ACACA: variants seen among roughly 807,000 people sequenced by gnomAD.
ACACA encodes acetyl-CoA carboxylase alpha.
ACACA carries 103 observed loss-of-function variants against 296.1 expected under a neutral mutation model. The observed-to-expected ratio is 0.35, with a 90% CI of 0.30 to 0.41. The LOEUF (loss-of-function observed/expected upper bound fraction) is 0.41, where lower values mean the gene tolerates loss of function less well. ACACA is among the 10% of genes least tolerant of loss of function. The pLI is 1.00. For missense variants in ACACA, 1,554 were observed against 2,989.7 expected (o/e 0.52, Z 11.20); for synonymous variants, 953 against 1,038.6 (o/e 0.92, Z 1.58).
In ACACA at chr17:37,257,872, A is replaced by G. The variant is rs774405561; in HGVS notation, c.1663-6T>C. 572 of 1,613,836 alleles carry G rather than the reference A, an allele frequency of 3.5e-4. No individual in the cohort carries two copies. Among genetic ancestry groups the G allele is most frequent in the Non-Finnish European group, 4.5e-4 (531 of 1,179,844 alleles). On this transcript the variant is annotated splice_polypyrimidine_tract_variant and splice_region_variant and intron_variant, in intron 13 of 55. Coordinates refer to ENST00000616317, the MANE Select transcript of ACACA (RefSeq NM_198834.3). ...CCTGAGCTGGGCTTAAAACCCTGTT[A>G]GAGAATAAAGAATGAGAGACCATAT...
chr17:37,385,110 C>T (rs2050467772), intron 1 of ACACA, among the ~76,000 whole-genome samples: 1 of 152,128 alleles, frequency 6.6e-6, no homozygotes, highest in African/African-American at 2.4e-5. Flanking sequence ...GGCCTCCTAA[C>T]AGGTTACCCT....
At chr17:37,323,576 C>CAA (rs1326604392) in intron 3 of ACACA, among the ~76,000 whole-genome samples, 2 of 152,108 alleles carry the variant, frequency 1.3e-5, no homozygotes, top group Non-Finnish European at 2.9e-5. Flanking sequence ...GCCTGGGTGA[C>CAA]AGAGTGAGAC....
intron 3 of ACACA, among the ~76,000 whole-genome samples, chr17:37,315,372 G>A (rs1051115497): frequency 2.6e-5 from 4 of 152,158 alleles, no homozygotes; most frequent in East Asian, 1.9e-4. Context: ...CTTTGACACC[G>A]AATGTACAGG....
chr17:37,276,931 G>A, intron 7 of ACACA, 102 bp downstream of exon 7: 3 of 964,852 alleles, frequency 3.1e-6, no homozygotes, highest in South Asian at 1.3e-5. Context: ...AAGAGAGAGA[G>A]AGCCCAGCAC....
In ACACA at chr17:37,229,465, G is replaced by A. The variant is rs573605344; in HGVS notation, c.3247-3013C>T. 2.9e-3 allele frequency among the ~76,000 whole-genome samples: 433 copies of A among 151,508 alleles called. 1 individual carries two copies. The highest frequency in any genetic ancestry group is 4.6e-3 in the Non-Finnish European group (311 of 67,892). ...ACTACAGGCGCCCGCCACCATGCCCGGCTAATTTTTTGTATTTTTAGTAGA... is the reference window on the plus strand; with the variant it reads ...ACTACAGGCGCCCGCCACCATGCCCAGCTAATTTTTTGTATTTTTAGTAGA... On this transcript the variant is annotated intron_variant, in intron 25 of 55. Coordinates refer to ENST00000616317, the MANE Select transcript of ACACA (RefSeq NM_198834.3).
chr17:37,297,667 T>C (rs1365848240), intron 3 of ACACA, among the ~76,000 whole-genome samples: 3 of 151,690 alleles, frequency 2.0e-5, no homozygotes, highest in Admixed American at 6.6e-5. Context: ...TCTCCTGCCT[T>C]GGCCTCCCAA....
chr17:37,396,084 A>G (rs1294813012), intron 1 of ACACA, among the ~76,000 whole-genome samples: 1 of 152,180 alleles, frequency 6.6e-6, no homozygotes, highest in Non-Finnish European at 1.5e-5. Context: ...TCACGCCTGT[A>G]ATCCCAGCAC....
intron 1 of ACACA, among the ~76,000 whole-genome samples, chr17:37,402,966 C>T (rs573771313): frequency 1.3e-5 from 2 of 152,316 alleles, no homozygotes; most frequent in South Asian, 4.1e-4. Context: ...GCCACTGCAC[C>T]CAGCCAGTGA....
rs1257655999 is a variant in ACACA at position 37,246,320 on chromosome 17, A to C, written c.2460+506T>G. Among the ~76,000 whole-genome samples the C allele has an allele frequency of 2.0e-5, 3 of 152,216 alleles. No homozygotes were observed. The East Asian group carries it at 5.8e-4, about 29-fold the overall frequency. ...CTAGTATCTATTTTTAGAACTAGAG[A>C]TTCCTCATTTGCCTATGTGTTTTAA... On this transcript the variant is annotated intron_variant, in intron 19 of 55. Transcript: ENST00000616317.
intron 3 of ACACA, among the ~76,000 whole-genome samples, chr17:37,306,576 C>T (rs1331849903): frequency 2.6e-5 from 4 of 152,138 alleles, no homozygotes; most frequent in Non-Finnish European, 5.9e-5. Context: ...AAAGACTACT[C>T]TGACCTTTTA....
At chr17:37,230,891 C>A (rs1211561961) in intron 25 of ACACA, among the ~76,000 whole-genome samples, 1 of 152,214 alleles carries the variant, frequency 6.6e-6, no homozygotes, top group African/African-American at 2.4e-5. Context: ...TTGCAAAAAT[C>A]TGGCATCCCA....
At chr17:37,256,410 A>C (rs1009039363) in intron 14 of ACACA, among the ~76,000 whole-genome samples, 7 of 152,246 alleles carry the variant, frequency 4.6e-5, no homozygotes, top group African/African-American at 1.7e-4. Flanking sequence ...GACAAAATAG[A>C]GAAATAATGA....
intron 29 of ACACA, among the ~76,000 whole-genome samples, chr17:37,214,804 T>A (rs1323558014): frequency 6.6e-6 from 1 of 152,174 alleles, no homozygotes; most frequent in Non-Finnish European, 1.5e-5. Context: ...ACTGTAAGAT[T>A]TCATTTATTT....
chr17:37,234,657 G>A (rs2080023012), intron 25 of ACACA, among the ~76,000 whole-genome samples: 1 of 152,084 alleles, frequency 6.6e-6, no homozygotes, highest in Non-Finnish European at 1.5e-5. Flanking sequence ...TAAATAAGAT[G>A]AAATTTTAAA....
chr17:37,262,841 C>T (rs1440135335), intron 11 of ACACA, among the ~76,000 whole-genome samples: 1 of 151,984 alleles, frequency 6.6e-6, no homozygotes, highest in African/African-American at 2.4e-5. Flanking sequence ...GTGATCCTCC[C>T]ACCTCAGCCT....
chr17:37,143,554 C>G, intron 45 of ACACA: 2 of 544,708 alleles, frequency 3.7e-6, no homozygotes. Flanking sequence ...CAAAAGAAGA[C>G]ACCATACAGT....
intron 16 of ACACA, 21 bp from the exon 17 acceptor site, chr17:37,248,695 G>T: frequency 6.6e-7 from 1 of 1,525,206 alleles, no homozygotes; most frequent in South Asian, 1.1e-5. Flanking sequence ...GATGAGAGAG[G>T]AACTTACTAC....
chr17:37,146,661 G>A (rs909215303), intron 45 of ACACA, among the ~76,000 whole-genome samples: 3 of 145,234 alleles, frequency 2.1e-5, no homozygotes, highest in African/African-American at 5.2e-5. Flanking sequence ...TGTAAGAGGT[G>A]GGGGGGAAGG....
rs1479085458 is a variant in ACACA, at chr17:37,121,479, C to T, written c.6150G>A (p.Gln2050=). The T allele has an allele frequency of 6.2e-7, 1 of 1,614,162 alleles. No individual in the cohort carries two copies. Among genetic ancestry groups the T allele is most frequent in the South Asian group, 1.1e-5 (1 of 91,080 alleles). ...NLDSEAKIIQ[Q]AGQVWFPDSA... is the part of the protein sequence containing the mutation. Reference sequence around the variant, plus strand: ...AATCTGGGAACCAAACCTGGCCAGCCTGCTGGATTATCTATTAGGAAAAGT... The same window carrying T: ...AATCTGGGAACCAAACCTGGCCAGCTTGCTGGATTATCTATTAGGAAAAGT... Residue 2050 remains glutamine (Q), a synonymous_variant, in exon 50 of 56, where the codon CAG becomes CAA. Coordinates refer to ENST00000616317, the MANE Select transcript of ACACA (RefSeq NM_198834.3).
Sources: gnomAD v4.1 joint callset for allele counts (sites outside exome capture counted in the v4.1 genomes callset) on GRCh38, gnomAD v4.1.1 for gene constraint, MANE v1.5 for transcripts, NCBI Gene and HGNC (gene_info 2026-07-23, HGNC 2026-07-21) for gene names.